The following CADM2 variants were observed in gnomAD, a reference collection of about 807,000 sequenced individuals.
CADM2 encodes the protein immunoglobulin superfamily member 4D.
Under a neutral mutation model 49.8 loss-of-function variants are expected in CADM2, and 12 were observed. The ratio of observed to expected loss-of-function variants is 0.24; its 90% CI spans 0.15 to 0.39. The LOEUF is 0.39. Among genes scored for constraint, CADM2 ranks in the 10% least tolerant of loss-of-function variants. The pLI is 1.00. For synonymous variants in CADM2, 214 were observed against 175.4 expected (o/e 1.22, Z -1.74); for missense variants, 378 against 492.3 (o/e 0.77, Z 2.20).
intron 1 of CADM2, among the ~76,000 whole-genome samples, chr3:85,241,953 T>C (rs1416461046): frequency 6.6e-6 from 1 of 151,518 alleles, no homozygotes; most frequent in Non-Finnish European, 1.5e-5. Flanking sequence ...GAGAGTCGTG[T>C]GAAGGGTGAT....
Position 85,317,502 on chromosome 3 carries a change from A to T in CADM2, c.61+357834A>T, listed in dbSNP as rs571747477. Among the ~76,000 whole-genome samples, 19 of 152,268 alleles carry T rather than the reference A, an allele frequency of 1.2e-4. 1 individual carries two copies. The highest frequency in any genetic ancestry group is 4.6e-4 in the African/African-American group (19 of 41,558). ...GGATAATTTATAAGGAAAAAAAATT[A>T]TTTTCTCATGGTTATGGAGGCTGGG... On this transcript the variant is annotated intron_variant, in intron 1 of 9. Coordinates refer to ENST00000383699, the MANE Select transcript of CADM2 (RefSeq NM_001167675.2).
intron 1 of CADM2, among the ~76,000 whole-genome samples, chr3:85,405,845 A>T (rs1474870267): frequency 1.3e-5 from 2 of 151,890 alleles, no homozygotes; most frequent in African/African-American, 4.8e-5. Context: ...CCTGACTTCC[A>T]ATAATATATG....
At chr3:85,021,230 TA>T (rs1304650232) in intron 1 of CADM2, among the ~76,000 whole-genome samples, 1 of 151,924 alleles carries the variant, frequency 6.6e-6, no homozygotes, top group Non-Finnish European at 1.5e-5. Context: ...TGTCGTTTTT[TA>T]AAAAAAAGAT....
At chr3:85,342,446 ATTAT>A (rs1215283888) in intron 1 of CADM2, among the ~76,000 whole-genome samples, 1 of 152,062 alleles carries the variant, frequency 6.6e-6, no homozygotes, top group Non-Finnish European at 1.5e-5. Context: ...ATTTCAATTT[ATTAT>A]TTAATAATAA....
At chr3:85,797,819 C>T (rs934140308) in intron 2 of CADM2, among the ~76,000 whole-genome samples, 2 of 152,104 alleles carry the variant, frequency 1.3e-5, no homozygotes, top group African/African-American at 4.8e-5. Context: ...GTTCTAGATC[C>T]TTGAGGAATT....
chr3:85,396,125 T>G (rs1468092434), intron 1 of CADM2, among the ~76,000 whole-genome samples: 1 of 151,552 alleles, frequency 6.6e-6, no homozygotes, highest in Non-Finnish European at 1.5e-5. Flanking sequence ...TAAATTTTCC[T>G]TACCCGACTG....
intron 1 of CADM2, among the ~76,000 whole-genome samples, chr3:84,980,384 G>A (rs1337084022): frequency 6.6e-6 from 1 of 152,280 alleles, no homozygotes; most frequent in Non-Finnish European, 1.5e-5. Context: ...GGGTTTCAGA[G>A]TAATTTATTA....
intron 7 of CADM2, among the ~76,000 whole-genome samples, chr3:85,957,231 T>A (rs2108602957): frequency 6.6e-6 from 1 of 151,872 alleles, no homozygotes; most frequent in East Asian, 2.0e-4. Context: ...TGAAGCATGT[T>A]GAGAACTATT....
chr3:85,303,194 G>A (rs574189395), intron 1 of CADM2, among the ~76,000 whole-genome samples: 22 of 152,022 alleles, frequency 1.4e-4, no homozygotes, highest in African/African-American at 5.3e-4. Context: ...ACTCAGATTT[G>A]GAAGTGCACA....
chr3:85,696,079 G>A (rs1323240308), intron 1 of CADM2, among the ~76,000 whole-genome samples: 3 of 152,030 alleles, frequency 2.0e-5, no homozygotes, highest in South Asian at 2.1e-4. Flanking sequence ...TTTGAGAAAT[G>A]TTCATGTTGT....
At chr3:85,492,687 T>C (rs2039724139) in intron 1 of CADM2, among the ~76,000 whole-genome samples, 2 of 152,212 alleles carry the variant, frequency 1.3e-5, no homozygotes, top group African/African-American at 4.8e-5. Flanking sequence ...TTTCTTATTG[T>C]AGTATAGCAA....
chr3:85,913,378 A>G (rs754046281), intron 6 of CADM2, among the ~76,000 whole-genome samples: 4 of 152,206 alleles, frequency 2.6e-5, no homozygotes, highest in Non-Finnish European at 5.9e-5. Flanking sequence ...GCAATATTTG[A>G]TTTTCTAGAT....
chr3:85,791,825 G>A (rs1339479742), intron 2 of CADM2, among the ~76,000 whole-genome samples: 7 of 152,154 alleles, frequency 4.6e-5, no homozygotes, highest in East Asian at 1.9e-4. Context: ...CTGGGTTCAC[G>A]CCATTCTCCT....
chr3:85,877,705 G>T (rs1278712406), intron 3 of CADM2, among the ~76,000 whole-genome samples: 3,096 of 63,314 alleles, frequency 0.049, 70 homozygotes, highest in African/African-American at 0.18. Flanking sequence ...TTTTTTTTTG[G>T]TTTTTTTGTG....
chr3:85,993,321 AT>A (rs1222390736), intron 8 of CADM2: 7 of 152,338 alleles, frequency 4.6e-5, no homozygotes, highest in African/African-American at 1.7e-4. Flanking sequence ...TGATGATGAG[AT>A]TACAGTGATT....
intron 3 of CADM2, among the ~76,000 whole-genome samples, chr3:85,843,315 C>G (rs1315922627): frequency 6.6e-6 from 1 of 151,932 alleles, no homozygotes; most frequent in Non-Finnish European, 1.5e-5. Context: ...GTCATCTAAC[C>G]CCAGCCTTAG....
intron 3 of CADM2, among the ~76,000 whole-genome samples, chr3:85,831,941 T>A (rs141521133): frequency 7.2e-4 from 109 of 152,138 alleles, no homozygotes; most frequent in Middle Eastern, 3.4e-3. Flanking sequence ...TCTTCTAGAA[T>A]TTTTATAGTT....
chr3:85,009,670 A>G (rs756324903), intron 1 of CADM2, among the ~76,000 whole-genome samples: 2 of 152,072 alleles, frequency 1.3e-5, no homozygotes, highest in Admixed American at 6.6e-5. Flanking sequence ...GTTCGAGACC[A>G]GCCTGGACAA....
intron 2 of CADM2, among the ~76,000 whole-genome samples, chr3:85,761,427 C>G (rs2069376021): frequency 1.5e-5 from 2 of 131,576 alleles, no homozygotes; most frequent in Admixed American, 8.6e-5. Context: ...GGCTGGAGTG[C>G]ATTCAGTGGC....
Sources: gnomAD v4.1 joint callset for allele counts (sites outside exome capture counted in the v4.1 genomes callset) on GRCh38, gnomAD v4.1.1 for gene constraint, MANE v1.5 for transcripts, NCBI Gene and HGNC (gene_info 2026-07-23, HGNC 2026-07-21) for gene names.